The following BDNF variants were observed in gnomAD, a reference collection of about 807,000 sequenced individuals.
BDNF encodes neurotrophic factor BDNF precursor form.
In BDNF, 1 loss-of-function variant was observed where a neutral mutation model predicts 19.5. That is an observed-to-expected ratio of 0.05 (90% CI 0.02 to 0.24). The LOEUF (loss-of-function observed/expected upper bound fraction) is 0.24. Among genes scored for constraint, BDNF ranks in the 10% least tolerant of loss-of-function variants. BDNF has a pLI of 1.00. For synonymous variants in BDNF, 100 were observed against 121.6 expected (o/e 0.82, Z 1.17); for missense variants, 195 against 317.6 (o/e 0.61, Z 2.93).
At chr11:27,688,381 G>T (rs1259489651) in intron 1 of BDNF, among the ~76,000 whole-genome samples, 1 of 152,190 alleles carries the variant, frequency 6.6e-6, no homozygotes, top group Non-Finnish European at 1.5e-5. Context: ...AGATCACTTG[G>T]CTGCCTGGCC....
chr11:27,670,486 G>T (rs1855178974), intron 1 of BDNF, among the ~76,000 whole-genome samples: 1 of 152,130 alleles, frequency 6.6e-6, no homozygotes, highest in Admixed American at 6.5e-5. Flanking sequence ...TACGGAATGG[G>T]AGAAAATTTT....
chr11:27,690,225 G>A (rs1024691498), intron 1 of BDNF, among the ~76,000 whole-genome samples: 13 of 152,008 alleles, frequency 8.6e-5, no homozygotes, highest in African/African-American at 2.7e-4. Flanking sequence ...TACTTTATCA[G>A]GTACCATTTG....
chr11:27,684,135 G>T (rs1344258168), intron 1 of BDNF, among the ~76,000 whole-genome samples: 2 of 152,078 alleles, frequency 1.3e-5, no homozygotes, highest in Non-Finnish European at 2.9e-5. Flanking sequence ...CTTGTAAGTT[G>T]TATTCCTAGG....
At chr11:27,714,211 G>A (rs956572041) in intron 1 of BDNF, among the ~76,000 whole-genome samples, 12 of 152,074 alleles carry the variant, frequency 7.9e-5, no homozygotes, top group Non-Finnish European at 4.4e-5. Context: ...TCTCCACCAG[G>A]CTGAGTTAGT....
intron 1 of BDNF, among the ~76,000 whole-genome samples, chr11:27,673,294 C>T (rs1192169251): frequency 6.6e-6 from 1 of 151,436 alleles, no homozygotes; most frequent in African/African-American, 2.4e-5. Context: ...ATTCATTGTC[C>T]CTAAAGGGAG....
intron 1 of BDNF, chr11:27,719,547 G>A (rs1051665606): frequency 2.0e-6 from 2 of 985,158 alleles, no homozygotes; most frequent in Non-Finnish European, 2.4e-6. Context: ...GCTGGGGAGC[G>A]GAGCGCGGTC....
At chr11:27,708,349 C>T (rs1047669800) in intron 1 of BDNF, among the ~76,000 whole-genome samples, 9 of 152,144 alleles carry the variant, frequency 5.9e-5, no homozygotes, top group East Asian at 1.9e-4. Flanking sequence ...ATCTTGTCCG[C>T]ACACAAAAAC....
chr11:27,696,679 T>C (rs1286484434), intron 1 of BDNF, among the ~76,000 whole-genome samples: 1 of 152,232 alleles, frequency 6.6e-6, no homozygotes, highest in African/African-American at 2.4e-5. Flanking sequence ...GAGTGCTCTA[T>C]AACAATTGTT....
At chr11:27,720,726 G>C (rs571263625) in intron 1 of BDNF, 5 of 985,784 alleles carry the variant, frequency 5.1e-6, no homozygotes, top group African/African-American at 1.7e-5. Context: ...TTACACACCC[G>C]GCACAGCAGG....
chr11:27,697,778 T>A (rs1301718080), intron 1 of BDNF: 2 of 152,160 alleles, frequency 1.3e-5, no homozygotes, highest in Non-Finnish European at 2.9e-5. Flanking sequence ...AAAGGAAACT[T>A]CCAGCTACTA....
At chr11:27,684,400 A>T (rs1320040631) in intron 1 of BDNF, among the ~76,000 whole-genome samples, 1 of 152,000 alleles carries the variant, frequency 6.6e-6, no homozygotes. Context: ...ATTTCTTTCT[A>T]TTGCCTGATT....
intron 1 of BDNF, among the ~76,000 whole-genome samples, chr11:27,695,461 G>A (rs537066101): frequency 1.3e-5 from 2 of 152,064 alleles, no homozygotes; most frequent in Non-Finnish European, 2.9e-5. Flanking sequence ...AAATGCAGAG[G>A]CATGTCAAAA....
At chr11:27,663,541 A>G (rs1235494422) in intron 1 of BDNF, among the ~76,000 whole-genome samples, 5 of 152,246 alleles carry the variant, frequency 3.3e-5, no homozygotes, top group Admixed American at 6.5e-5. Flanking sequence ...AGACTATAGA[A>G]CATTCACAGG....
chr11:27,708,585 A>G (rs1270274133), intron 1 of BDNF, among the ~76,000 whole-genome samples: 1 of 9,744 alleles, frequency 1.0e-4, no homozygotes, highest in East Asian at 2.6e-3. Flanking sequence ...ATAAAACATC[A>G]GATTTACTCT....
chr11:27,658,100 A>C lies in BDNF; in HGVS notation c.465T>G (p.Thr155=), dbSNP rs747058681. Residue 155 remains threonine, a synonymous_variant, in exon 2 of 2, where the codon ACT becomes ACG. Coordinates refer to ENST00000356660, the MANE Select transcript of BDNF (RefSeq NM_001709.5). The surrounding 1 kb of genome is among the most constrained non-coding windows in gnomAD (Gnocchi z 5.7). ...SEWVTAADKK[T]AVDMSGGTVT... ...CCGTCCCGCCCGACATGTCCACTGC[A>C]GTCTTTTTGTCTGCCGCCGTTACCC... The C allele has an allele frequency of 6.2e-7, 1 of 1,614,136 alleles. No individual in the cohort carries two copies. Among genetic ancestry groups the C allele is most frequent in the South Asian group, 1.1e-5 (1 of 91,072 alleles).
chr11:27,697,307 A>G (rs1859207267), intron 1 of BDNF, among the ~76,000 whole-genome samples: 1 of 152,218 alleles, frequency 6.6e-6, no homozygotes, highest in Non-Finnish European at 1.5e-5. Context: ...AACCAGTGCT[A>G]TTCATATAAG....
chr11:27,714,759 T>C (rs1174457797), intron 1 of BDNF, among the ~76,000 whole-genome samples: 1 of 152,194 alleles, frequency 6.6e-6, no homozygotes, highest in African/African-American at 2.4e-5. Context: ...ATCTTTTATA[T>C]CACTCAAACT....
intron 1 of BDNF, among the ~76,000 whole-genome samples, chr11:27,668,945 A>G (rs1854844830): frequency 6.6e-6 from 1 of 152,174 alleles, no homozygotes; most frequent in Non-Finnish European, 1.5e-5. Flanking sequence ...AGCCTGACAG[A>G]GACACAACAA....
chr11:27,658,833 G>T lies in BDNF; in HGVS notation c.-21-248C>A. 1 of 1,367,776 alleles carries T rather than the reference G, an allele frequency of 7.3e-7. No homozygotes were observed. Among genetic ancestry groups the T allele is most frequent in the South Asian group, 1.7e-5 (1 of 57,696 alleles). The allele number at this position is 1,367,776 out of a possible 1,614,324, so 84.7% of individuals were successfully genotyped here. A position where few individuals can be genotyped will look rare whatever the true frequency, so the allele number is the denominator to read the frequency against. ...TAGCATATAAACCTGAGATTAGATGGCTTCTAAGCAAGTGCAAAAATTGTG... is the reference window on the plus strand; with the variant it reads ...TAGCATATAAACCTGAGATTAGATGTCTTCTAAGCAAGTGCAAAAATTGTG... On this transcript the variant is annotated intron_variant, in intron 1 of 1. Transcript: ENST00000356660. This position sits in a 1 kb window ranked among gnomAD's most constrained non-coding sequence, Gnocchi z 5.7.
Sources: allele counts gnomAD v4.1 joint callset (sites outside exome capture counted in the v4.1 genomes callset), GRCh38; gene constraint gnomAD v4.1.1; non-coding constraint Gnocchi (gnomAD v3.1); transcripts MANE v1.5; gene names NCBI Gene and HGNC (gene_info 2026-07-23, HGNC 2026-07-21).